The following CSN3 variants were observed in gnomAD, a reference collection of about 807,000 sequenced individuals.
The protein encoded by CSN3 is casein kappa, also known as kappa-casein.
Under a neutral mutation model 9.9 loss-of-function variants are expected in CSN3, and 7 were observed. That is an observed-to-expected ratio of 0.71 (90% CI 0.40 to 1.33). CSN3 has a LOEUF of 1.33. Among genes scored for constraint, CSN3 ranks in the 40% most tolerant of loss-of-function variants. The probability of loss-of-function intolerance (pLI) is 0.01; values close to 1 mark genes in which losing one functional copy is unlikely to be tolerated. For missense variants in CSN3, 253 were observed against 227.9 expected, an observed-to-expected ratio of 1.11 and a Z score of -0.71; for synonymous variants, 88 against 82.3, an observed-to-expected ratio of 1.07 and a Z score of -0.37.
chr4:70,239,905 C>A (rs1166376680), upstream of CSN3, among the ~76,000 whole-genome samples: 2 of 151,886 alleles, frequency 1.3e-5, no homozygotes, highest in Non-Finnish European at 2.9e-5. Flanking sequence ...ATACACATTT[C>A]TTTTTTGTAT....
exon 4 of CSN3, chr4:70,249,010 G>A: frequency 6.3e-7 from 1 of 1,588,422 alleles, no homozygotes; most frequent in Non-Finnish European, 8.6e-7. Context: ...CCATGAGAAT[G>A]ATGAAAGACC....
chr4:70,249,151 T>C, exon 4 of CSN3: 1 of 1,614,098 alleles, frequency 6.2e-7, no homozygotes, highest in Non-Finnish European at 8.5e-7. Context: ...TCGCACATAT[T>C]ATGCAAACCC....
At position 70,247,870 on chromosome 4, in the gene CSN3, T is replaced by A; in HGVS notation, c.87+20T>A. 1 of 1,589,264 alleles carries A rather than the reference T, an allele frequency of 6.3e-7. No homozygotes were observed. Among genetic ancestry groups the A allele is most frequent in the Non-Finnish European group, 8.6e-7 (1 of 1,167,958 alleles). On this transcript the variant is annotated intron_variant, in intron 3 of 4. Transcript: ENST00000304954. ...CCAGCAGTAAGTCTATTTTAATTAC[T>A]TCTGTTACAGGCATGAACTACAAAA...
exon 4 of CSN3, chr4:70,249,104 G>A (rs1376089456): frequency 9.3e-6 from 15 of 1,613,764 alleles, no homozygotes; most frequent in South Asian, 4.4e-5. Flanking sequence ...TTGTACCAAC[G>A]TAGACCAGCT....
rs1021675081 is a variant in CSN3 at position 70,245,532 on chromosome 4, T to C, written c.54+659T>C. Among the ~76,000 whole-genome samples the C allele has an allele frequency of 3.9e-5, 6 of 152,290 alleles. No homozygotes were observed. The East Asian group carries it at 9.6e-4, about 24-fold the overall frequency. ...GGACTTAGAAAAAGGTTCTGTTTTT[T>C]TCTTTTAATTTTTTGACTTGTTTTT... On this transcript the variant is annotated intron_variant, in intron 2 of 4. Coordinates refer to ENST00000304954, the Ensembl canonical transcript of CSN3.
intron 3 of CSN3, among the ~76,000 whole-genome samples, chr4:70,248,492 G>T (rs557416269): frequency 5.3e-5 from 8 of 152,132 alleles, no homozygotes; most frequent in African/African-American, 1.9e-4. Flanking sequence ...TTACTATTCT[G>T]CTATAGTTTA....
At chr4:70,238,866 T>C (rs773348221), upstream of CSN3, among the ~76,000 whole-genome samples, 2 of 151,776 alleles carry the variant, frequency 1.3e-5, no homozygotes, top group Non-Finnish European at 2.9e-5. Context: ...TACTGTTTCC[T>C]AAAGGAGAAA....
intron 2 of CSN3, among the ~76,000 whole-genome samples, chr4:70,246,491 A>T (rs1424459071): frequency 1.3e-5 from 2 of 152,086 alleles, no homozygotes; most frequent in Non-Finnish European, 2.9e-5. Context: ...AACTATAAAA[A>T]TGTAACTATG....
At chr4:70,240,402 AT>A (rs1730249557), upstream of CSN3, among the ~76,000 whole-genome samples, 1 of 151,936 alleles carries the variant, frequency 6.6e-6, no homozygotes, top group Admixed American at 6.6e-5. Flanking sequence ...TCTTCCCACA[AT>A]CCAGGGACAT....
At chr4:70,243,077 AT>A (rs1471323219) in intron 1 of CSN3, 2 of 406,490 alleles carry the variant, frequency 4.9e-6, no homozygotes, top group South Asian at 1.1e-4. Flanking sequence ...TGGAATAATT[AT>A]TTTTTTAAAA....
At chr4:70,242,741 G>A (rs1255286266) in intron 1 of CSN3, 76 bp downstream of exon 1, 1 of 152,034 alleles carries the variant, frequency 6.6e-6, no homozygotes, top group Non-Finnish European at 1.5e-5. Flanking sequence ...AGTTATTTCA[G>A]AATCACATTT....
intron 2 of CSN3, among the ~76,000 whole-genome samples, chr4:70,245,446 A>G (rs1730358974): frequency 6.6e-6 from 1 of 152,182 alleles, no homozygotes; most frequent in Non-Finnish European, 1.5e-5. Flanking sequence ...ATCAATGGTT[A>G]TAAACAGCTT....
At chr4:70,244,742 T>C in intron 1 of CSN3, 70 bp from the exon 2 acceptor site, 1 of 779,892 alleles carries the variant, frequency 1.3e-6, no homozygotes. Flanking sequence ...GGAAACATTG[T>C]ATTCAAGTCA....
At chr4:70,249,400 T>C (rs1730442437) in exon 4 of CSN3, 1 of 1,613,666 alleles carries the variant, frequency 6.2e-7, no homozygotes, top group African/African-American at 1.3e-5. Context: ...TTTTTCAGAG[T>C]CCATCATCAC....
intron 2 of CSN3, among the ~76,000 whole-genome samples, chr4:70,245,166 GA>G (rs1416595382): frequency 6.6e-6 from 1 of 151,936 alleles, no homozygotes; most frequent in Non-Finnish European, 1.5e-5. Flanking sequence ...AAACAATACT[GA>G]AAACATTTTA....
chr4:70,242,331 T>C (rs927964723), upstream of CSN3, among the ~76,000 whole-genome samples: 6 of 119,348 alleles, frequency 5.0e-5, no homozygotes, highest in African/African-American at 1.6e-4. Context: ...TTTATTATAC[T>C]TTAAGTTTTA....
At chr4:70,239,727 C>A (rs1204371464), upstream of CSN3, among the ~76,000 whole-genome samples, 1 of 151,856 alleles carries the variant, frequency 6.6e-6, no homozygotes, top group Non-Finnish European at 1.5e-5. Flanking sequence ...CCCAAAAGTA[C>A]TTTGTTTCTA....
At chr4:70,248,595 C>A (rs1006768469) in intron 3 of CSN3, among the ~76,000 whole-genome samples, 4 of 151,934 alleles carry the variant, frequency 2.6e-5, no homozygotes, top group African/African-American at 7.3e-5. Context: ...CGTGTGTGTG[C>A]GCCATTCTGT....
intron 1 of CSN3, among the ~76,000 whole-genome samples, chr4:70,243,940 C>A (rs950918361): frequency 9.2e-5 from 14 of 152,008 alleles, no homozygotes; most frequent in Non-Finnish European, 1.5e-4. Context: ...AGTCTCATAA[C>A]CCTCCACTTC....
Sources: allele counts gnomAD v4.1 joint callset (sites outside exome capture counted in the v4.1 genomes callset), GRCh38; gene constraint gnomAD v4.1.1; transcripts MANE v1.5; gene names NCBI Gene and HGNC (gene_info 2026-07-23, HGNC 2026-07-21).